Variants in CCN1 observed in about 807,000 individuals in gnomAD.
CCN1 encodes the protein CCN family member 1.
A neutral mutation model predicts 38.1 loss-of-function variants in CCN1; 12 were observed. The ratio of observed to expected loss-of-function variants is 0.31; its 90% CI spans 0.20 to 0.51. The LOEUF (loss-of-function observed/expected upper bound fraction) is 0.51, where lower values mean the gene tolerates loss of function less well. Among genes scored for constraint, CCN1 ranks in the 20% least tolerant of loss-of-function variants. CCN1 has a pLI of 0.97. For synonymous variants in CCN1, 202 were observed against 196.1 expected (o/e 1.03, Z -0.25); for missense variants, 466 against 490.9 (o/e 0.95, Z 0.48).
rs899728530 is a variant in CCN1, at chr1:85,583,121, C to G, written c.*79C>G. ...GAATCAGAATCATGGAGAAAATGGG[C>G]GGGGGTGGTGTGGGTGATGGGACTC... is the stretch of plus-strand genomic sequence containing the variant. On this transcript the variant is annotated 3_prime_UTR_variant, in exon 5 of 5. Coordinates refer to ENST00000451137, the MANE Select transcript of CCN1 (RefSeq NM_001554.5). 2.1e-6 allele frequency: 3 copies of G among 1,425,466 alleles called. No individual in the cohort carries two copies. Among genetic ancestry groups the G allele is most frequent in the African/African-American group, 1.4e-5 (1 of 70,970 alleles). 88.3% of individuals were successfully genotyped at this position (1,425,466 alleles called of 1,614,324 possible). A position where few individuals can be genotyped will look rare whatever the true frequency, so the allele number is the denominator to read the frequency against.
In CCN1 at chr1:85,583,009, G is replaced by A. The variant is rs141913518; in HGVS notation, c.1113G>A (p.Arg371=). 6.2e-7 allele frequency: 1 copy of A among 1,613,134 alleles called. No homozygotes were observed. Among genetic ancestry groups the A allele is most frequent in the Admixed American group, 1.7e-5 (1 of 60,020 alleles). The stretch of plus-strand genomic sequence containing the variant: ...ATGAAGCAGCGTTTCCCTTCTACAG[G>A]CTGTTCAATGACATTCACAAATTTA... The part of the protein sequence containing the change: ...HANEAAFPFY[R]LFNDIHKFRD Residue 371 remains arginine, a synonymous_variant, in exon 5 of 5, where the codon AGG becomes AGA. Transcript: ENST00000451137.
chr1:85,582,007 T>G lies in CCN1; in HGVS notation c.357T>G (p.His119Gln). ...AAAGTTTCCAGCCCAACTGTAAACA[T>G]CAGTGCACATGTATTGATGGCGCCG... ...NGESFQPNCKHQCTCIDGAVG... is the reference protein window; with the variant it reads ...NGESFQPNCKQQCTCIDGAVG... Residue 119 changes from histidine (H) to glutamine (Q), a missense_variant, in exon 3 of 5, where the codon CAT becomes CAG. His to Gln is a conservative substitution (Grantham distance 24). Coordinates refer to ENST00000451137, the MANE Select transcript of CCN1 (RefSeq NM_001554.5). 6.2e-7 allele frequency: 1 copy of G among 1,614,146 alleles called. No individual in the cohort carries two copies. Among genetic ancestry groups the G allele is most frequent in the East Asian group, 2.2e-5 (1 of 44,880 alleles).
intron 3 of CCN1, 25 bp from the exon 4 acceptor site, chr1:85,582,391 A>G: frequency 6.2e-7 from 1 of 1,613,778 alleles, no homozygotes; most frequent in East Asian, 2.2e-5. Context: ...GCCTCTGAGA[A>G]GTCTTCCCTC....
Position 85,581,989 on chromosome 1 carries a change from C to T in CCN1, c.339C>T (p.Phe113=). Residue 113 remains phenylalanine (F), a synonymous_variant, in exon 3 of 5, where the codon TTC becomes TTT. Transcript: ENST00000451137. ...GAATCTACCAAAACGGGGAAAGTTT[C>T]CAGCCCAACTGTAAACATCAGTGCA... ...NSRIYQNGES[F]QPNCKHQCTC... 1.2e-6 allele frequency: 2 copies of T among 1,614,166 alleles called. No individual in the cohort carries two copies. The highest frequency in any genetic ancestry group is 1.7e-5 in the Admixed American group (1 of 60,028).
intron 4 of CCN1, 33 bp from the exon 5 acceptor site, chr1:85,582,706 AC>A: frequency 6.2e-7 from 1 of 1,611,858 alleles, no homozygotes; most frequent in African/African-American, 1.3e-5. Context: ...GAGAAATATC[AC>A]CCCTAACTTT....
rs548205997 is a variant in CCN1 at position 85,582,880 on chromosome 1, C to A, written c.984C>A (p.Thr328=). Residue 328 remains threonine (T), a synonymous_variant, in exon 5 of 5, where the codon ACC becomes ACA. Transcript: ENST00000451137. ...GCCGATGCTGCACGCCCCAGCTGACCAGGACTGTGAAGATGCGGTTCCGCT... is the reference window on the plus strand; with the variant it reads ...GCCGATGCTGCACGCCCCAGCTGACAAGGACTGTGAAGATGCGGTTCCGCT... ...VDGRCCTPQL[T]RTVKMRFRCE... The A allele has an allele frequency of 6.2e-7, 1 of 1,614,170 alleles. No individual in the cohort carries two copies. The highest frequency in any genetic ancestry group is 1.3e-5 in the African/African-American group (1 of 75,040).
chr1:85,581,121 A>G, intron 1 of CCN1, 74 bp downstream of exon 1: 1 of 1,490,912 alleles, frequency 6.7e-7, no homozygotes, highest in Non-Finnish European at 9.0e-7. Flanking sequence ...CAGATTGCCC[A>G]CGGCAGGAAA....
rs552702347 is a variant in CCN1, at chr1:85,581,266, C to A, written c.64-99C>A. ...GGGCTGGACGAGATCAGAGGCTCCC[C>A]GTCGATAGGGTCGGAGACCCCCGTC... is the stretch of plus-strand genomic sequence containing the variant. On this transcript the variant is annotated intron_variant, in intron 1 of 4. Transcript: ENST00000451137. 5 of 1,318,068 alleles carry A rather than the reference C, an allele frequency of 3.8e-6. No individual in the cohort carries two copies. The South Asian group carries it at 5.8e-5, about 15-fold the overall frequency. The allele number at this position is 1,318,068 out of a possible 1,614,324, so 81.6% of individuals were successfully genotyped here.
In CCN1 at chr1:85,582,989, G is replaced by A. The variant is rs1416872632; in HGVS notation, c.1093G>A (p.Ala365Thr). ...CTACAACTGCCCGCATGCCAATGAA[G>A]CAGCGTTTCCCTTCTACAGGCTGTT... ...CNYNCPHANE[A>T]AFPFYRLFND... is the part of the protein sequence containing the mutation. The change falls in exon 5 of 5, where the codon GCA (alanine) becomes ACA (threonine). Residue 365 changes from alanine to threonine, a missense_variant. By Grantham distance (58) the Ala-to-Thr change is moderately conservative. Transcript: ENST00000451137. 2 of 1,614,098 alleles carry A rather than the reference G, an allele frequency of 1.2e-6. No homozygotes were observed. Among genetic ancestry groups the A allele is most frequent in the African/African-American group, 2.7e-5 (2 of 75,048 alleles).
chr1:85,582,593 C>T lies in CCN1; in HGVS notation c.812C>T (p.Pro271Leu), dbSNP rs373000437. Residue 271 changes from proline (P) to leucine (L), a missense_variant, in exon 4 of 5, where the codon CCT becomes CTT. Physicochemically the swap from Pro to Leu is moderately conservative, Grantham distance 98. Around this residue, in one of 3 missense-constraint regions of CCN1, gnomAD observed 309 missense variants for 319.9 expected, o/e 0.97. Coordinates refer to ENST00000451137, the MANE Select transcript of CCN1 (RefSeq NM_001554.5). ...GAAACCCGGATTTGTGAGGTGCGGCCTTGTGGACAGCCAGTGTACAGCAGC... is the reference window on the plus strand; with the variant it reads ...GAAACCCGGATTTGTGAGGTGCGGCTTTGTGGACAGCCAGTGTACAGCAGC... ...VKETRICEVR[P>L]CGQPVYSSLK... is the part of the protein sequence containing the mutation. 3 of 1,614,036 alleles carry T rather than the reference C, an allele frequency of 1.9e-6. No homozygotes were observed. The African/African-American group carries it at 4.0e-5, about 22-fold the overall frequency.
Position 85,582,562 on chromosome 1 carries a change from G to C in CCN1, c.781G>C (p.Val261Leu), listed in dbSNP as rs777112490. Residue 261 changes from valine (V) to leucine (L), a missense_variant, in exon 4 of 5, where the codon GTG becomes CTG. Val to Leu is a conservative substitution (Grantham distance 32, BLOSUM62 1). Coordinates refer to ENST00000451137, the MANE Select transcript of CCN1 (RefSeq NM_001554.5). ...VTNDNPECRLVKETRICEVRP... is the reference protein window; with the variant it reads ...VTNDNPECRLLKETRICEVRP... ...CAATGACAACCCTGAGTGCCGCCTT[G>C]TGAAAGAAACCCGGATTTGTGAGGT... 6.2e-7 allele frequency: 1 copy of C among 1,614,176 alleles called. No individual in the cohort carries two copies. Among genetic ancestry groups the C allele is most frequent in the Non-Finnish European group, 8.5e-7 (1 of 1,180,044 alleles).
rs760716323 is a variant in CCN1, at chr1:85,581,353, T to TC, written c.64-7dup. On this transcript the variant is annotated splice_polypyrimidine_tract_variant and intron_variant, in intron 1 of 4. Coordinates refer to ENST00000451137, the MANE Select transcript of CCN1 (RefSeq NM_001554.5). ...CGCGCCGAGTCTCACGCGTATCTTC[T>TC]CCCCCTTCCAGGCGCTCTCCACCTG... is the stretch of plus-strand genomic sequence containing the variant. 2 of 1,565,114 alleles carry TC rather than the reference T, an allele frequency of 1.3e-6. No homozygotes were observed. The highest frequency in any genetic ancestry group is 2.7e-5 in the African/African-American group (2 of 73,540).
Position 85,580,766 on chromosome 1 carries a change from G to A in CCN1, c.-219G>A, listed in dbSNP as rs1248290526. ...GGGCTCCGGGGCGCCTGGGCAGACC[G>A]CGAGCGAGAGCGCCCCCGAGCAGCG... On this transcript the variant is annotated 5_prime_UTR_variant, in exon 1 of 5. Coordinates refer to ENST00000451137, the MANE Select transcript of CCN1 (RefSeq NM_001554.5). The A allele has an allele frequency of 1.1e-5, 4 of 370,698 alleles. No individual in the cohort carries two copies. Among genetic ancestry groups the A allele is most frequent in the African/African-American group, 2.1e-5 (1 of 47,182 alleles). The allele number at this position is 370,698 out of a possible 1,614,324, so 23.0% of individuals were successfully genotyped here.
chr1:85,582,719 C>G, intron 4 of CCN1, 21 bp from the exon 5 acceptor site: 1 of 1,612,422 alleles, frequency 6.2e-7, no homozygotes, highest in Non-Finnish European at 8.5e-7. Context: ...CCTAACTTTC[C>G]TTCTCTCCTT....
Position 85,582,467 on chromosome 1 carries a change from G to A in CCN1, c.686G>A (p.Cys229Tyr), listed in dbSNP as rs1659811869. 5 of 1,614,180 alleles carry A rather than the reference G, an allele frequency of 3.1e-6. No individual in the cohort carries two copies. Among genetic ancestry groups the A allele is most frequent in the Non-Finnish European group, 4.2e-6 (5 of 1,180,042 alleles). ...TACAACCCTTTACAAGGCCAGAAAT[G>A]TATTGTTCAAACAACTTCATGGTCC... ...ILYNPLQGQK[C>Y]IVQTTSWSQC... Residue 229 changes from cysteine (C) to tyrosine (Y), a missense_variant, in exon 4 of 5, where the codon TGT becomes TAT. This residue lies in a region of CCN1 where 309 missense variants were observed against 319.9 expected (regional missense o/e 0.97). Transcript: ENST00000451137.
chr1:85,582,154 C>A lies in CCN1; in HGVS notation c.504C>A (p.Ile168=). Residue 168 remains isoleucine (I), a synonymous_variant, in exon 3 of 5, where the codon ATC becomes ATA. Transcript: ENST00000451137. The stretch of plus-strand genomic sequence containing the variant: ...AGTGGGTCTGTGACGAGGATAGTAT[C>A]AAGGACCCCATGGAGGACCAGGACG... ...CEEWVCDEDS[I]KDPMEDQDGL... is the part of the protein sequence containing the mutation. 1 of 1,614,190 alleles carries A rather than the reference C, an allele frequency of 6.2e-7. No homozygotes were observed. Among genetic ancestry groups the A allele is most frequent in the South Asian group, 1.1e-5 (1 of 91,078 alleles).
At position 85,581,345 on chromosome 1, in the gene CCN1, G is replaced by C. The variant is rs575107561; in HGVS notation, c.64-20G>C. 1.3e-6 allele frequency: 2 copies of C among 1,553,508 alleles called. No individual in the cohort carries two copies. The highest frequency in any genetic ancestry group is 2.7e-5 in the African/African-American group (2 of 73,458). Reference sequence around the variant, plus strand: ...CTGCGCACCGCGCCGAGTCTCACGCGTATCTTCTCCCCCTTCCAGGCGCTC... The same window carrying C: ...CTGCGCACCGCGCCGAGTCTCACGCCTATCTTCTCCCCCTTCCAGGCGCTC... On this transcript the variant is annotated intron_variant, in intron 1 of 4. Coordinates refer to ENST00000451137, the MANE Select transcript of CCN1 (RefSeq NM_001554.5).
At position 85,582,934 on chromosome 1, in the gene CCN1, C is replaced by T. The variant is rs747085932; in HGVS notation, c.1038C>T (p.Asn346=). The T allele has an allele frequency of 3.5e-5, 57 of 1,614,080 alleles. No homozygotes were observed. The highest frequency in any genetic ancestry group is 4.4e-5 in the South Asian group (4 of 91,082). Residue 346 remains asparagine, a synonymous_variant, in exon 5 of 5, where the codon AAC becomes AAT. Coordinates refer to ENST00000451137, the MANE Select transcript of CCN1 (RefSeq NM_001554.5). ...AAGATGGGGAGACATTTTCCAAGAA[C>T]GTCATGATGATCCAGTCCTGCAAAT... ...RCEDGETFSK[N]VMMIQSCKCN...
Position 85,582,609 on chromosome 1 carries a change from G to A in CCN1, c.828G>A (p.Val276=), listed in dbSNP as rs1188891390. Residue 276 remains valine, a synonymous_variant, in exon 4 of 5, where the codon GTG becomes GTA. Coordinates refer to ENST00000451137, the MANE Select transcript of CCN1 (RefSeq NM_001554.5). ...AGGTGCGGCCTTGTGGACAGCCAGT[G>A]TACAGCAGCCTGAAAGTAAGTTCCT... ...ICEVRPCGQP[V]YSSLKKGKKC... is the part of the protein sequence containing the mutation. The A allele has an allele frequency of 2.7e-5, 43 of 1,614,044 alleles. No homozygotes were observed. Among genetic ancestry groups the A allele is most frequent in the South Asian group, 3.3e-5 (3 of 91,078 alleles).
Sources: gnomAD v4.1 joint callset for allele counts on GRCh38, gnomAD v4.1.1 for gene constraint, gnomAD v4.1.1 regional missense constraint, MANE v1.5 for transcripts, NCBI Gene and HGNC (gene_info 2026-07-23, HGNC 2026-07-21) for gene names.